Variants in INTS14 observed in about 807,000 individuals in gnomAD.
INTS14 encodes UPF0464 protein C15orf44.
INTS14 carries 27 observed loss-of-function variants against 56.9 expected under a neutral mutation model. That is an observed-to-expected ratio of 0.47 (90% CI 0.35 to 0.65). INTS14 has a LOEUF of 0.65. INTS14 is among the 30% of genes least tolerant of loss of function. The pLI is 0.00. For missense variants in INTS14, 517 were observed against 632.2 expected, an observed-to-expected ratio of 0.82 and a Z score of 1.95; for synonymous variants, 207 against 236.2, an observed-to-expected ratio of 0.88 and a Z score of 1.13.
In INTS14 at chr15:65,599,825, A is replaced by C. The variant is rs761455838; in HGVS notation, c.435T>G (p.Pro145=). 2 of 1,614,224 alleles carry C rather than the reference A, an allele frequency of 1.2e-6. No homozygotes were observed. The highest frequency in any genetic ancestry group is 1.7e-6 in the Non-Finnish European group (2 of 1,180,020). ...TATATAACTTAGATGGGAAAGGAAAAGGTAGTGGAAACCTGTTGCTCTCAC... is the reference window on the plus strand; with the variant it reads ...TATATAACTTAGATGGGAAAGGAAACGGTAGTGGAAACCTGTTGCTCTCAC... ...QRSESNRFPL[P]FPFPSKLYIM... Residue 145 remains proline (P), a synonymous_variant, in exon 4 of 12, where the codon CCT becomes CCG. Transcript: ENST00000313182.
intron 2 of INTS14, among the ~76,000 whole-genome samples, chr15:65,605,688 CT>C (rs1401752225): frequency 6.6e-6 from 1 of 152,116 alleles, no homozygotes; most frequent in Non-Finnish European, 1.5e-5. Flanking sequence ...GATTAAATAA[CT>C]TTCCCAGGTC....
intron 10 of INTS14, among the ~76,000 whole-genome samples, chr15:65,583,115 TGA>T (rs1555397528): frequency 6.6e-6 from 1 of 152,198 alleles, no homozygotes; most frequent in Admixed American, 6.5e-5. Context: ...GTGGCTGCTG[TGA>T]GAGAGTGTGG....
chr15:65,582,831 T>C (rs768749047), intron 10 of INTS14, among the ~76,000 whole-genome samples: 6 of 152,016 alleles, frequency 3.9e-5, no homozygotes, highest in South Asian at 2.1e-4. Flanking sequence ...ATCCAGAATA[T>C]ATAAAAAACC....
chr15:65,587,972 T>G (rs1264594472), intron 9 of INTS14, among the ~76,000 whole-genome samples: 1 of 151,746 alleles, frequency 6.6e-6, no homozygotes, highest in Non-Finnish European at 1.5e-5. Flanking sequence ...TGAGACCCTG[T>G]CTCAAAAAAT....
At chr15:65,579,799 T>A in intron 11 of INTS14, 140 bp from the exon 12 acceptor site, 1 of 1,297,500 alleles carries the variant, frequency 7.7e-7, no homozygotes, top group Non-Finnish European at 1.0e-6. Flanking sequence ...TATTTAGGGA[T>A]GCCAGTAACA....
intron 3 of INTS14, among the ~76,000 whole-genome samples, chr15:65,601,631 G>C (rs117497753): frequency 0.01 from 1,549 of 152,104 alleles, 16 homozygotes; most frequent in Admixed American, 0.02. Context: ...GTGAGCCACC[G>C]CGCCCGGCCC....
chr15:65,593,683 G>C (rs1314371433), intron 7 of INTS14, 111 bp from the exon 8 acceptor site: 1 of 1,262,564 alleles, frequency 7.9e-7, no homozygotes. Context: ...AGAGTTCTAA[G>C]GGAATATTAT....
chr15:65,581,046 C>T (rs1339172242), intron 11 of INTS14, among the ~76,000 whole-genome samples: 1 of 152,152 alleles, frequency 6.6e-6, no homozygotes, highest in African/African-American at 2.4e-5. Context: ...GAGTTCGGGA[C>T]CAGCCTGGCC....
chr15:65,598,251 TA>T, intron 6 of INTS14, 69 bp downstream of exon 6: 17 of 1,473,010 alleles, frequency 1.2e-5, no homozygotes, highest in Non-Finnish European at 1.6e-5. Flanking sequence ...GAGAAGAGAG[TA>T]AAAGTCACAA....
intron 1 of INTS14, among the ~76,000 whole-genome samples, chr15:65,608,792 A>G (rs1449795460): frequency 1.3e-5 from 2 of 152,260 alleles, no homozygotes; most frequent in Non-Finnish European, 2.9e-5. Context: ...TAATGTTCAC[A>G]ACTTTCTTTT....
chr15:65,600,201 G>A (rs927871415), intron 3 of INTS14, among the ~76,000 whole-genome samples: 10 of 151,980 alleles, frequency 6.6e-5, no homozygotes, highest in Non-Finnish European at 1.3e-4. Flanking sequence ...GTCCCAGCAC[G>A]TTGGGAGGCT....
intron 1 of INTS14, among the ~76,000 whole-genome samples, chr15:65,607,712 T>C (rs1219858563): frequency 6.6e-6 from 1 of 152,196 alleles, no homozygotes; most frequent in African/African-American, 2.4e-5. Context: ...CAGGTAGCCC[T>C]TAACTTTCAC....
chr15:65,603,280 C>A (rs969021283), intron 3 of INTS14, among the ~76,000 whole-genome samples: 4 of 152,142 alleles, frequency 2.6e-5, no homozygotes, highest in Non-Finnish European at 5.9e-5. Flanking sequence ...TTGTTGTTTT[C>A]TAAAGGTGAG....
intron 9 of INTS14, among the ~76,000 whole-genome samples, chr15:65,586,002 C>T (rs2072806456): frequency 6.6e-6 from 1 of 152,186 alleles, no homozygotes; most frequent in African/African-American, 2.4e-5. Context: ...CTTTCCCACA[C>T]AACAGTTCAT....
At chr15:65,593,161 G>A (rs1042284231) in intron 8 of INTS14, among the ~76,000 whole-genome samples, 1 of 151,880 alleles carries the variant, frequency 6.6e-6, no homozygotes, top group Non-Finnish European at 1.5e-5. Context: ...TACTTGGAAG[G>A]CTGAGATGGG....
chr15:65,593,294 G>T (rs75679797), intron 8 of INTS14, 134 bp downstream of exon 8: 63,824 of 1,106,178 alleles, frequency 0.058, 2,074 homozygotes, highest in African/African-American at 0.09. Context: ...AGTAGCAGGT[G>T]GGAAAAGTGT....
At chr15:65,591,484 C>A (rs531401188) in intron 9 of INTS14, 114 bp downstream of exon 9, 498 of 1,385,216 alleles carry the variant, frequency 3.6e-4, no homozygotes, top group Non-Finnish European at 4.6e-4. Context: ...TCATCCGAGA[C>A]CATGGCATAC....
Position 65,591,813 on chromosome 15 carries a change from C to G in INTS14, c.987-82G>C, listed in dbSNP as rs188947296. ...AAATAAGTCTAGCCTGTATTTTTCT[C>G]TTGAGAGACACAGGCTTCAGCTTTG... On this transcript the variant is annotated intron_variant, in intron 8 of 11. Transcript: ENST00000313182. 1.1e-4 allele frequency: 165 copies of G among 1,484,918 alleles called. No homozygotes were observed. In the East Asian group the frequency reaches 3.3e-3, roughly 30 times the overall value. The allele number at this position is 1,484,918 out of a possible 1,614,324, so 92.0% of individuals were successfully genotyped here. A position where few individuals can be genotyped will look rare whatever the true frequency, so the allele number is the denominator to read the frequency against.
chr15:65,598,955 A>C lies in INTS14; in HGVS notation c.522T>G (p.Arg174=), dbSNP rs377605279. Residue 174 remains arginine, a synonymous_variant, in exon 5 of 12, where the codon CGT becomes CGG. Coordinates refer to ENST00000313182, the MANE Select transcript of INTS14 (RefSeq NM_001394796.1). ...CTTCACCATTGTTTAAATCTATGAG[A>C]CGTTCAAGGCATTCCAAGGAATCGG... is the stretch of plus-strand genomic sequence containing the variant. The part of the protein sequence containing the change: ...QSTDSLECLE[R]LIDLNNGEGQ... 3.0e-5 allele frequency: 48 copies of C among 1,613,900 alleles called. No homozygotes were observed. Among genetic ancestry groups the C allele is most frequent in the Non-Finnish European group, 3.6e-5 (43 of 1,179,946 alleles).
Sources: allele counts gnomAD v4.1 joint callset (sites outside exome capture counted in the v4.1 genomes callset), GRCh38; gene constraint gnomAD v4.1.1; transcripts MANE v1.5; gene names NCBI Gene and HGNC (gene_info 2026-07-23, HGNC 2026-07-21).